The following TTYH2 variants were observed in gnomAD, a reference collection of about 807,000 sequenced individuals.
TTYH2 encodes tweety family member 2, also known as protein tweety homolog 2.
TTYH2 carries 49 observed loss-of-function variants against 68.3 expected under a neutral mutation model. The ratio of observed to expected loss-of-function variants is 0.72; its 90% confidence interval spans 0.57 to 0.91. The LOEUF is 0.91. TTYH2 is among the 40% of genes least tolerant of loss of function. TTYH2 has a pLI of 0.00. For synonymous variants in TTYH2, 272 were observed against 300.8 expected, an observed-to-expected ratio of 0.90 and a Z score of 0.99; for missense variants, 631 against 700.4, an observed-to-expected ratio of 0.90 and a Z score of 1.12.
In TTYH2 at chr17:74,252,312, G is replaced by C; in HGVS notation, c.1195G>C (p.Ala399Pro). The part of the protein sequence containing the change: ...LLYLGLFSFL[A>P]ALAFSTMICA... ...GTACCTTGGCCTCTTCTCCTTCCTG[G>C]CCGCCCTCGCCTTCTCCACCATGAT... Residue 399 changes from alanine to proline, a missense_variant, in exon 11 of 14, where the codon GCC (alanine) becomes CCC (proline). Transcript: ENST00000269346. 1.2e-6 allele frequency: 2 copies of C among 1,613,844 alleles called. No individual in the cohort carries two copies. The highest frequency in any genetic ancestry group is 2.2e-5 in the South Asian group (2 of 91,084).
chr17:74,261,825 G>A lies in TTYH2; in HGVS notation c.*1616G>A, dbSNP rs927681601. The A allele has an allele frequency of 5.3e-5, 8 of 152,234 alleles. No homozygotes were observed. Among genetic ancestry groups the A allele is most frequent in the African/African-American group, 1.2e-4 (5 of 41,404 alleles). 9.4% of individuals were successfully genotyped at this position (152,234 alleles called of 1,614,324 possible). ...CATAAACTCACTTTGGTATATCCGC[G>A]TCACATGCAGAGAGGAACTCTGCGA... On this transcript the variant is annotated 3_prime_UTR_variant, in exon 14 of 14. Coordinates refer to ENST00000269346, the MANE Select transcript of TTYH2 (RefSeq NM_032646.6).
intron 2 of TTYH2, among the ~76,000 whole-genome samples, chr17:74,227,979 C>CTT (rs1220459113): frequency 9.1e-6 from 1 of 109,304 alleles, no homozygotes; most frequent in African/African-American, 8.2e-5. Flanking sequence ...CTTTTCTTTT[C>CTT]TTTCTTTTTT....
Position 74,217,649 on chromosome 17 carries a change from T to A in TTYH2, c.129+3933T>A, listed in dbSNP as rs2050233828. 6.6e-6 allele frequency among the ~76,000 whole-genome samples: 1 copy of A among 152,160 alleles called. No homozygotes were observed. Among genetic ancestry groups the A allele is most frequent in the Non-Finnish European group, 1.5e-5 (1 of 68,012 alleles). On this transcript the variant is annotated intron_variant, in intron 1 of 13. Transcript: ENST00000269346. This position sits in a 1 kb window ranked among gnomAD's most constrained non-coding sequence, Gnocchi z 4.0. ...GTGGGCCTGGGAGGGAGACTCTCCC[T>A]CTAGGTGCTCCTAGTTTCCCTCTCC...
At chr17:74,252,146 C>A in intron 10 of TTYH2, 88 bp from the exon 11 acceptor site, 1 of 1,557,224 alleles carries the variant, frequency 6.4e-7, no homozygotes, top group Non-Finnish European at 8.7e-7. Flanking sequence ...GGTCCAGGCT[C>A]GGGGGAGAGG....
intron 13 of TTYH2, among the ~76,000 whole-genome samples, chr17:74,255,845 C>T (rs1046043583): frequency 1.3e-5 from 2 of 152,162 alleles, no homozygotes; most frequent in South Asian, 2.1e-4. Context: ...TTGGGCCTGG[C>T]GAGGCATTTC....
At chr17:74,244,111 T>G in intron 6 of TTYH2, 62 bp downstream of exon 6, 2 of 1,521,944 alleles carry the variant, frequency 1.3e-6, no homozygotes, top group Non-Finnish European at 1.8e-6. Flanking sequence ...CTCTGGTGTG[T>G]CTCCAAGCAG....
At chr17:74,219,990 G>A (rs1426686266) in intron 1 of TTYH2, among the ~76,000 whole-genome samples, 2 of 151,032 alleles carry the variant, frequency 1.3e-5, no homozygotes, top group African/African-American at 2.4e-5. Flanking sequence ...CTTGGTTGGG[G>A]TTTTTTTTGG....
intron 1 of TTYH2, among the ~76,000 whole-genome samples, chr17:74,219,237 A>T (rs1363628402): frequency 6.7e-6 from 1 of 150,216 alleles, no homozygotes; most frequent in Non-Finnish European, 1.5e-5. Flanking sequence ...AAGTACAAAA[A>T]AATTAGCTGG....
intron 5 of TTYH2, among the ~76,000 whole-genome samples, chr17:74,243,765 C>G (rs1436397214): frequency 6.6e-6 from 1 of 152,206 alleles, no homozygotes; most frequent in Non-Finnish European, 1.5e-5. Flanking sequence ...GCCAACACTG[C>G]CCCCTTAGCC....
chr17:74,240,720 G>C (rs1245588155), intron 4 of TTYH2: 1 of 152,242 alleles, frequency 6.6e-6, no homozygotes. Context: ...CTCTCTTTGA[G>C]AGGCTACGGT....
rs112685643 is a variant in TTYH2, at chr17:74,227,622, G to C, written c.303-3266G>C. On this transcript the variant is annotated intron_variant, in intron 2 of 13. Transcript: ENST00000269346. Reference sequence around the variant, plus strand: ...ATTTTCTATGATGGTGCATTTAACTGGGTTCAAAGCTAGTTACACAACTCT... The same window carrying C: ...ATTTTCTATGATGGTGCATTTAACTCGGTTCAAAGCTAGTTACACAACTCT... Among the ~76,000 whole-genome samples the C allele has an allele frequency of 2.1e-3, 317 of 152,234 alleles. 1 individual carries two copies. Among genetic ancestry groups the C allele is most frequent in the African/African-American group, 7.5e-3 (310 of 41,512 alleles).
Position 74,217,736 on chromosome 17 carries a change from C to G in TTYH2, c.129+4020C>G, listed in dbSNP as rs1370272255. On this transcript the variant is annotated intron_variant, in intron 1 of 13. Transcript: ENST00000269346. The surrounding 1 kb of genome is among the most constrained non-coding windows in gnomAD (Gnocchi z 4.0). ...TCTTCTGGGGCCAGGGCTGTTGCCC[C>G]CTCCCCTGCCCAGTGCAGAAGCCCC... is the stretch of plus-strand genomic sequence containing the variant. Among the ~76,000 whole-genome samples, 2 of 152,236 alleles carry G rather than the reference C, an allele frequency of 1.3e-5. No individual in the cohort carries two copies. Among genetic ancestry groups the G allele is most frequent in the Non-Finnish European group, 2.9e-5 (2 of 68,040 alleles).
rs529960463 is a variant in TTYH2 at position 74,226,798 on chromosome 17, T to C, written c.303-4090T>C. On this transcript the variant is annotated intron_variant, in intron 2 of 13. Transcript: ENST00000269346. Reference sequence around the variant, plus strand: ...TGATTTTATATTTGGGAAAGAGTAGTGTGAACACACCAGGGGGAAAGCAAC... The same window carrying C: ...TGATTTTATATTTGGGAAAGAGTAGCGTGAACACACCAGGGGGAAAGCAAC... 2.6e-5 allele frequency among the ~76,000 whole-genome samples: 4 copies of C among 152,182 alleles called. 1 individual carries two copies. In the South Asian group the frequency reaches 8.3e-4, roughly 32 times the overall value.
chr17:74,244,448 C>T (rs1194211741), intron 6 of TTYH2, among the ~76,000 whole-genome samples: 2 of 152,212 alleles, frequency 1.3e-5, no homozygotes, highest in African/African-American at 2.4e-5. Context: ...GAATCCCTCC[C>T]GCATCAGAAG....
At chr17:74,255,225 C>T (rs886241629) in intron 13 of TTYH2, among the ~76,000 whole-genome samples, 6 of 152,236 alleles carry the variant, frequency 3.9e-5, no homozygotes, top group Non-Finnish European at 8.8e-5. Flanking sequence ...TGACTTTGGA[C>T]AAGCACTTTG....
chr17:74,260,364 A>T lies in TTYH2; in HGVS notation c.*155A>T, dbSNP rs537318096. On this transcript the variant is annotated 3_prime_UTR_variant, in exon 14 of 14. Coordinates refer to ENST00000269346, the MANE Select transcript of TTYH2 (RefSeq NM_032646.6). ...AGCTGGGATTCCCGACCAAAGCCCC[A>T]GGGGGTGCAGAAGACTCACCACGCG... The T allele has an allele frequency of 7.4e-5, 54 of 734,354 alleles. No individual in the cohort carries two copies. Among genetic ancestry groups the T allele is most frequent in the Admixed American group, 5.7e-4 (26 of 45,300 alleles). The allele number at this position is 734,354 out of a possible 1,614,324, so 45.5% of individuals were successfully genotyped here.
At chr17:74,226,942 CT>C (rs986520020) in intron 2 of TTYH2, among the ~76,000 whole-genome samples, 2 of 152,060 alleles carry the variant, frequency 1.3e-5, no homozygotes, top group Admixed American at 6.6e-5. Flanking sequence ...ATTTTTCTTT[CT>C]TTCCTTTCTT....
At chr17:74,237,267 T>C (rs1235559821) in intron 3 of TTYH2, 27 bp from the exon 4 acceptor site, 3 of 1,610,202 alleles carry the variant, frequency 1.9e-6, no homozygotes, top group East Asian at 2.2e-5. Context: ...TCTACCTCCA[T>C]GGCTTTTGCC....
chr17:74,251,056 G>A (rs1273788559), intron 10 of TTYH2, among the ~76,000 whole-genome samples: 1 of 53,048 alleles, frequency 1.9e-5, no homozygotes, highest in Non-Finnish European at 4.0e-5. Context: ...GCGTGTGTCT[G>A]TGTGTGTGTG....
Sources: gnomAD v4.1 joint callset for allele counts (sites outside exome capture counted in the v4.1 genomes callset) on GRCh38, gnomAD v4.1.1 for gene constraint, Gnocchi (gnomAD v3.1) non-coding constraint, MANE v1.5 for transcripts, NCBI Gene and HGNC (gene_info 2026-07-23, HGNC 2026-07-21) for gene names.